KCNN3: variants seen among roughly 807,000 people sequenced by gnomAD.
KCNN3 encodes the protein small conductance calcium-activated potassium channel protein 3.
KCNN3 carries 16 observed loss-of-function variants against 62.9 expected under a neutral mutation model. The observed-to-expected ratio is 0.25, with a 90% CI of 0.17 to 0.39. The LOEUF is 0.39. KCNN3 is among the 10% of genes least tolerant of loss of function. The pLI is 1.00. For missense variants in KCNN3, 599 were observed against 949.4 expected (o/e 0.63, Z 4.85); for synonymous variants, 370 against 389.2 (o/e 0.95, Z 0.58).
intron 1 of KCNN3, among the ~76,000 whole-genome samples, chr1:154,860,953 T>TTG (rs1477515526): frequency 8.3e-5 from 12 of 143,984 alleles, no homozygotes; most frequent in Admixed American, 6.2e-4. Flanking sequence ...CCACCCAAGT[T>TTG]TTTTTTTTTT....
At chr1:154,720,896 A>G (rs573414273) in intron 5 of KCNN3, among the ~76,000 whole-genome samples, 1 of 152,234 alleles carries the variant, frequency 6.6e-6, no homozygotes, top group South Asian at 2.1e-4. Context: ...CAGCCACGGC[A>G]AGGTGAAATC....
In KCNN3 at chr1:154,788,052, G is replaced by A. The variant is rs146229656; in HGVS notation, c.1030-15659C>T. Among the ~76,000 whole-genome samples, 41 of 152,324 alleles carry A rather than the reference G, an allele frequency of 2.7e-4. No individual in the cohort carries two copies. In the East Asian group the frequency reaches 7.3e-3, roughly 27 times the overall value. On this transcript the variant is annotated intron_variant, in intron 2 of 7. Transcript: ENST00000271915. ...GCATGCTAGGGTCTGGGGCCTCAGG[G>A]TCTAGGCGCCTCCACTGGAGGCTGG...
intron 1 of KCNN3, among the ~76,000 whole-genome samples, chr1:154,843,558 G>A (rs1401665053): frequency 1.3e-5 from 2 of 152,130 alleles, no homozygotes; most frequent in Admixed American, 6.5e-5. Context: ...GAGCCACTGC[G>A]CCCGGCCCCT....
chr1:154,756,311 G>A (rs927798073), intron 3 of KCNN3, among the ~76,000 whole-genome samples: 6 of 151,196 alleles, frequency 4.0e-5, no homozygotes, highest in Admixed American at 1.3e-4. Context: ...AAGAGGAAGA[G>A]GAAGAAGAAG....
rs1647600358 is a variant in KCNN3, at chr1:154,755,492, G to GAAA, written c.1448+16482_1448+16483insTTT. ...GAAAGGAAGAAAGGAAGGAAGAAAGGGAGAAAGAAAGGAAGAAAGAAAGAA... is the reference window on the plus strand; with the variant it reads ...GAAAGGAAGAAAGGAAGGAAGAAAGGAAAGAGAAAGAAAGGAAGAAAGAAAGAA... On this transcript the variant is annotated intron_variant, in intron 3 of 7. Coordinates refer to ENST00000271915, the MANE Select transcript of KCNN3 (RefSeq NM_002249.6). 4.6e-4 allele frequency among the ~76,000 whole-genome samples: 40 copies of GAAA among 87,252 alleles called. No homozygotes were observed. The East Asian group carries it at 0.015, about 32-fold the overall frequency. The allele number at this position is 87,252 out of a possible 152,430, so 57.2% of individuals were successfully genotyped here.
chr1:154,845,186 C>G (rs1008780225), intron 1 of KCNN3, among the ~76,000 whole-genome samples: 4 of 152,210 alleles, frequency 2.6e-5, no homozygotes, highest in African/African-American at 9.7e-5. Context: ...GCTCAGACAA[C>G]ACCTCAGAAT....
Position 154,869,970 on chromosome 1 carries a change from G to T in KCNN3, c.-6C>A. 1 of 1,610,150 alleles carries T rather than the reference G, an allele frequency of 6.2e-7. No individual in the cohort carries two copies. On this transcript the variant is annotated 5_prime_UTR_variant, in exon 1 of 8. Transcript: ENST00000271915. This position sits in a 1 kb window ranked among gnomAD's most constrained non-coding sequence, Gnocchi z 6.1. Reference sequence around the variant, plus strand: ...AAGTGCCCAGAAGTGTCCATCTTGGGGCCTGGCTGTATTCCCTGCAGCACA... The same window carrying T: ...AAGTGCCCAGAAGTGTCCATCTTGGTGCCTGGCTGTATTCCCTGCAGCACA...
chr1:154,833,215 C>T (rs915509356), intron 1 of KCNN3, among the ~76,000 whole-genome samples: 1 of 152,184 alleles, frequency 6.6e-6, no homozygotes, highest in Non-Finnish European at 1.5e-5. Context: ...TGCTCAGAGG[C>T]AAACCCATTT....
intron 1 of KCNN3, among the ~76,000 whole-genome samples, chr1:154,827,534 C>G (rs1480098428): frequency 1.3e-5 from 2 of 152,224 alleles, no homozygotes; most frequent in African/African-American, 4.8e-5. Flanking sequence ...CGTGGTGGCT[C>G]ACGCCTGTAA....
rs1246893205 is a variant in KCNN3, at chr1:154,704,628, A to G, written c.*3348T>C. On this transcript the variant is annotated 3_prime_UTR_variant, in exon 8 of 8. Coordinates refer to ENST00000271915, the MANE Select transcript of KCNN3 (RefSeq NM_002249.6). The stretch of plus-strand genomic sequence containing the variant: ...ATTCAAGTGTCTAGATATTTTAGGA[A>G]TATTAGAGTGATTTTACCTGTCACT... 1 of 152,166 alleles carries G rather than the reference A, an allele frequency of 6.6e-6. No individual in the cohort carries two copies. Among genetic ancestry groups the G allele is most frequent in the Non-Finnish European group, 1.5e-5 (1 of 68,038 alleles). 9.4% of individuals were successfully genotyped at this position (152,166 alleles called of 1,614,324 possible). A position where few individuals can be genotyped will look rare whatever the true frequency, so the allele number is the denominator to read the frequency against.
chr1:154,845,026 A>AG (rs1348042125), intron 1 of KCNN3, among the ~76,000 whole-genome samples: 3 of 151,666 alleles, frequency 2.0e-5, no homozygotes, highest in Admixed American at 6.6e-5. Flanking sequence ...AAAAAGAGAG[A>AG]GAAAAAAAAC....
At chr1:154,819,520 G>A (rs146490218) in intron 2 of KCNN3, among the ~76,000 whole-genome samples, 30 of 152,268 alleles carry the variant, frequency 2.0e-4, no homozygotes, top group African/African-American at 5.1e-4. Flanking sequence ...GGCCCAGTGC[G>A]GTATATACAA....
At chr1:154,793,301 T>C (rs1649594494) in intron 2 of KCNN3, among the ~76,000 whole-genome samples, 2 of 152,178 alleles carry the variant, frequency 1.3e-5, no homozygotes, top group Non-Finnish European at 2.9e-5. Context: ...CCACCCCTCC[T>C]CTTGGCCAGG....
chr1:154,830,308 G>A (rs1414776714), intron 1 of KCNN3, among the ~76,000 whole-genome samples: 5 of 152,208 alleles, frequency 3.3e-5, no homozygotes, highest in Non-Finnish European at 5.9e-5. Flanking sequence ...CATTCCCACC[G>A]TCCCTGGATG....
chr1:154,818,536 C>T (rs1650763339), intron 2 of KCNN3, among the ~76,000 whole-genome samples: 1 of 152,164 alleles, frequency 6.6e-6, no homozygotes, highest in African/African-American at 2.4e-5. Flanking sequence ...GATGTTGAGG[C>T]CATGAGGGCT....
At chr1:154,806,932 G>A (rs1017297392) in intron 2 of KCNN3, among the ~76,000 whole-genome samples, 3 of 152,168 alleles carry the variant, frequency 2.0e-5, no homozygotes, top group Non-Finnish European at 4.4e-5. Context: ...AAATTAGAAT[G>A]TGGTCCCAGC....
intron 3 of KCNN3, among the ~76,000 whole-genome samples, chr1:154,766,547 G>A (rs1408838643): frequency 7.4e-5 from 11 of 149,178 alleles, no homozygotes; most frequent in Non-Finnish European, 1.5e-4. Context: ...AGGAACCACA[G>A]TGCCTGGCCC....
At chr1:154,859,333 C>T (rs986609170) in intron 1 of KCNN3, among the ~76,000 whole-genome samples, 1 of 152,280 alleles carries the variant, frequency 6.6e-6, no homozygotes, top group Non-Finnish European at 1.5e-5. Flanking sequence ...CTGATGCCAA[C>T]TCAGGCAAAG....
intron 3 of KCNN3, among the ~76,000 whole-genome samples, chr1:154,762,562 C>CCT (rs1470968063): frequency 3.9e-5 from 6 of 152,026 alleles, no homozygotes; most frequent in Non-Finnish European, 5.9e-5. Flanking sequence ...GGGATATTTA[C>CCT]CTCTTGTCAT....
Sources: allele counts gnomAD v4.1 joint callset (sites outside exome capture counted in the v4.1 genomes callset), GRCh38; gene constraint gnomAD v4.1.1; non-coding constraint Gnocchi (gnomAD v3.1); transcripts MANE v1.5; gene names NCBI Gene and HGNC (gene_info 2026-07-23, HGNC 2026-07-21).